Variants in IL1RN observed in about 807,000 individuals in gnomAD.
IL1RN encodes the protein interleukin-1 receptor antagonist protein.
In IL1RN, 10 loss-of-function variants were observed where a neutral mutation model predicts 13.7. The observed-to-expected ratio is 0.73, with a 90% CI of 0.45 to 1.24. The LOEUF is 1.24. Among genes scored for constraint, IL1RN ranks in the 50% most tolerant of loss-of-function variants. IL1RN has a pLI of 0.00. For missense variants in IL1RN, 213 were observed against 222.1 expected, an observed-to-expected ratio of 0.96 and a Z score of 0.26; for synonymous variants, 102 against 82.7, an observed-to-expected ratio of 1.23 and a Z score of -1.27.
chr2:113,125,137 G>A (rs1465897932), upstream of IL1RN, among the ~76,000 whole-genome samples: 2 of 152,232 alleles, frequency 1.3e-5, no homozygotes, highest in Non-Finnish European at 2.9e-5. Flanking sequence ...CCGGAGGGTT[G>A]AAGAAAGACA....
rs4252022 is a variant in IL1RN at position 113,132,584 on chromosome 2, G to A, written c.319-72G>A. ...GCTGTCCAGAGGGCCATTTCATGGC[G>A]TGGAGTGGAGAGGGAGGCAGCACAG... is the stretch of plus-strand genomic sequence containing the variant. On this transcript the variant is annotated intron_variant, in intron 3 of 3. Transcript: ENST00000409930. The A allele has an allele frequency of 6.3e-3, 8,627 of 1,377,664 alleles. 145 individuals are homozygous for A. Among genetic ancestry groups the A allele is most frequent in the African/African-American group, 0.06 (4,187 of 70,306 alleles). 85.3% of individuals were successfully genotyped at this position (1,377,664 alleles called of 1,614,324 possible). A position where few individuals can be genotyped will look rare whatever the true frequency, so the allele number is the denominator to read the frequency against.
upstream of IL1RN, among the ~76,000 whole-genome samples, chr2:113,102,835 C>T (rs1406453180): frequency 6.6e-6 from 1 of 152,186 alleles, no homozygotes; most frequent in Non-Finnish European, 1.5e-5. Flanking sequence ...GGAATGTCAT[C>T]AGTTAAGGCA....
chr2:113,124,689 G>A (rs147661032), upstream of IL1RN, among the ~76,000 whole-genome samples: 267 of 152,276 alleles, frequency 1.8e-3, 1 homozygote, highest in African/African-American at 6.0e-3. Flanking sequence ...TATAGTAACC[G>A]ATGATGTGGC....
At chr2:113,099,705 C>T in the IL1RN span, among the ~76,000 whole-genome samples, 1 of 143,350 alleles carries the variant, frequency 7.0e-6, no homozygotes, top group East Asian at 2.0e-4. Context: ...GCCATTTTTC[C>T]TCAGCATCCT....
At position 113,132,680 on chromosome 2, in the gene IL1RN, G is replaced by A. The variant is rs767854418; in HGVS notation, c.343G>A (p.Glu115Lys). ...LEAVNITDLS[E>K]NRKQDKRFAF... ...GGCAGTTAACATCACTGACCTGAGCGAGAACAGAAAGCAGGACAAGCGCTT... is the reference window on the plus strand; with the variant it reads ...GGCAGTTAACATCACTGACCTGAGCAAGAACAGAAAGCAGGACAAGCGCTT... Residue 115 changes from glutamate (E) to lysine (K), a missense_variant, in exon 4 of 4, where the codon GAG becomes AAG. By Grantham distance (56) the Glu-to-Lys change is moderately conservative (BLOSUM62 1). Transcript: ENST00000409930. 5.6e-6 allele frequency: 9 copies of A among 1,614,088 alleles called. No individual in the cohort carries two copies. The highest frequency in any genetic ancestry group is 6.8e-6 in the Non-Finnish European group (8 of 1,180,038).
At chr2:113,101,532 CAGTG>C in the IL1RN span, among the ~76,000 whole-genome samples, 1 of 152,160 alleles carries the variant, frequency 6.6e-6, no homozygotes, top group African/African-American at 2.4e-5. Context: ...CCTCTCCACT[CAGTG>C]AGCATGATCT....
intron 1 of IL1RN, among the ~76,000 whole-genome samples, chr2:113,112,210 T>G (rs562145031): frequency 6.6e-6 from 1 of 152,302 alleles, no homozygotes; most frequent in Admixed American, 6.5e-5. Context: ...CTGGTTTAAG[T>G]GACCAACATT....
At chr2:113,119,037 T>TA (rs1233092463) in intron 1 of IL1RN, among the ~76,000 whole-genome samples, 6 of 150,954 alleles carry the variant, frequency 4.0e-5, no homozygotes, top group Admixed American at 6.6e-5. Context: ...ACGCTCTCTC[T>TA]AAAAAAAAAT....
At chr2:113,123,324 C>T (rs1373646136), upstream of IL1RN, among the ~76,000 whole-genome samples, 1 of 152,240 alleles carries the variant, frequency 6.6e-6, no homozygotes, top group Admixed American at 6.5e-5. Flanking sequence ...GCACTGGTGC[C>T]CTTTACTCCT....
chr2:113,101,094 A>G, the IL1RN span, among the ~76,000 whole-genome samples: 18,078 of 152,106 alleles, frequency 0.12, 1,279 homozygotes, highest in East Asian at 0.28. Flanking sequence ...AAGGACTTTG[A>G]GTCTCTAAGA....
At chr2:113,103,249 G>A (rs1686341467), upstream of IL1RN, among the ~76,000 whole-genome samples, 1 of 152,178 alleles carries the variant, frequency 6.6e-6, no homozygotes, top group Admixed American at 6.5e-5. Context: ...AGTGCAGTAG[G>A]TAGTATTATG....
intron 2 of IL1RN, 107 bp from the exon 3 acceptor site, chr2:113,130,938 G>C: frequency 1.3e-6 from 1 of 766,864 alleles, no homozygotes. Flanking sequence ...CTGACCTCGG[G>C]ATTTTAGTTT....
chr2:113,122,984 G>A (rs1300604717), upstream of IL1RN, among the ~76,000 whole-genome samples: 1 of 152,104 alleles, frequency 6.6e-6, no homozygotes, highest in Admixed American at 6.6e-5. Flanking sequence ...AATTAGTTGG[G>A]GGTGGTGGCA....
intron 3 of IL1RN, among the ~76,000 whole-genome samples, 170 bp from the exon 4 acceptor site, chr2:113,132,486 G>C (rs537701908): frequency 6.6e-6 from 1 of 152,316 alleles, no homozygotes; most frequent in African/African-American, 2.4e-5. Flanking sequence ...CTAGGTCCCA[G>C]AGTCCCACAG....
intron 1 of IL1RN, among the ~76,000 whole-genome samples, chr2:113,127,963 T>C (rs1348910686): frequency 6.6e-6 from 1 of 152,234 alleles, no homozygotes; most frequent in East Asian, 1.9e-4. Context: ...CTGTCTTACT[T>C]TCCCAGAGAC....
chr2:113,121,021 C>CTCTTCT (rs147542912), intron 2 of IL1RN, among the ~76,000 whole-genome samples: 4,324 of 138,462 alleles, frequency 0.031, 225 homozygotes, highest in African/African-American at 0.11. Flanking sequence ...CCTCCTTCTC[C>CTCTTCT]TCTTCTTCTT....
chr2:113,129,552 C>A, intron 1 of IL1RN, 24 bp from the exon 2 acceptor site: 1 of 1,497,684 alleles, frequency 6.7e-7, no homozygotes, highest in Non-Finnish European at 9.3e-7. Flanking sequence ...CTGTGCACTA[C>A]AGCTGAGTCC....
intron 1 of IL1RN, chr2:113,120,017 G>A: frequency 1.4e-6 from 2 of 1,434,118 alleles, no homozygotes; most frequent in Non-Finnish European, 2.0e-6. Flanking sequence ...CATTTCTCTG[G>A]ACCTCTGCTT....
At chr2:113,099,976 C>T in the IL1RN span, among the ~76,000 whole-genome samples, 11 of 137,516 alleles carry the variant, frequency 8.0e-5, no homozygotes, top group Admixed American at 4.3e-4. Flanking sequence ...CCTCGTGATC[C>T]GCCCGCCTCG....
Sources: allele counts gnomAD v4.1 joint callset (sites outside exome capture counted in the v4.1 genomes callset), GRCh38; gene constraint gnomAD v4.1.1; transcripts MANE v1.5; gene names NCBI Gene and HGNC (gene_info 2026-07-23, HGNC 2026-07-21).